Variants in IL7 observed in about 807,000 individuals in gnomAD.
IL7 encodes interleukin 7, also known as interleukin-7.
Under a neutral mutation model 21.6 loss-of-function variants are expected in IL7, and 3 were observed. The observed-to-expected ratio is 0.14, with a 90% confidence interval of 0.06 to 0.36. The LOEUF (loss-of-function observed/expected upper bound fraction) is 0.36. IL7 is among the 10% of genes least tolerant of loss of function. The probability of loss-of-function intolerance (pLI) is 1.00; values close to 1 mark genes in which losing one functional copy is unlikely to be tolerated. For synonymous variants in IL7, 62 were observed against 68.1 expected, an observed-to-expected ratio of 0.91 and a Z score of 0.44; for missense variants, 175 against 200.2, an observed-to-expected ratio of 0.87 and a Z score of 0.76.
At chr8:78,795,161 G>A (rs1813813558) in intron 2 of IL7, among the ~76,000 whole-genome samples, 1 of 152,026 alleles carries the variant, frequency 6.6e-6, no homozygotes, top group South Asian at 2.1e-4. Flanking sequence ...TTAACACATG[G>A]AAAGCACTGA....
At position 78,681,600 on chromosome 8, in the gene IL7, G is replaced by T. The variant is rs1809779909; in HGVS notation, n.273+4289C>A. 2.0e-5 allele frequency among the ~76,000 whole-genome samples: 3 copies of T among 152,252 alleles called. No homozygotes were observed. In the South Asian group the frequency reaches 6.2e-4, roughly 32 times the overall value. The stretch of plus-strand genomic sequence containing the variant: ...TTTCGTTGTTTTCTATTCCCTGAAA[G>T]AGTTTGTGTAATATTGATGCTAGAT... On this transcript the variant is annotated intron_variant and non_coding_transcript_variant, in intron 4 of 4. Transcript: ENST00000523959.
At chr8:78,747,165 C>T in intron 2 of IL7, 1 of 438,196 alleles carries the variant, frequency 2.3e-6, no homozygotes, top group South Asian at 1.6e-5. Context: ...TAAAGTTGGT[C>T]CCTATAGAAA....
At chr8:78,739,884 T>C (rs1316428726) in intron 3 of IL7, 118 bp downstream of exon 3, 22 of 879,076 alleles carry the variant, frequency 2.5e-5, no homozygotes, top group Non-Finnish European at 3.4e-5. Context: ...TCAATGGGAA[T>C]TATGTGATCA....
At chr8:78,767,215 A>G (rs1450361134) in intron 2 of IL7, among the ~76,000 whole-genome samples, 1 of 151,436 alleles carries the variant, frequency 6.6e-6, no homozygotes, top group Non-Finnish European at 1.5e-5. Context: ...ATACAGTGTG[A>G]GTGAGTGTGT....
intron 2 of IL7, among the ~76,000 whole-genome samples, chr8:78,770,507 G>A (rs1183160160): frequency 1.3e-5 from 2 of 152,014 alleles, no homozygotes; most frequent in East Asian, 3.9e-4. Flanking sequence ...ACAAGTTTAA[G>A]ATTTTAATAC....
At chr8:78,678,415 G>T (rs957714870) in intron 4 of IL7, 1 of 630,384 alleles carries the variant, frequency 1.6e-6, no homozygotes, top group Non-Finnish European at 2.8e-6. Context: ...TTTGGTTAAG[G>T]CAAGGTGTAT....
intron 2 of IL7, chr8:78,762,445 C>T: frequency 6.4e-7 from 1 of 1,574,460 alleles, no homozygotes; most frequent in Non-Finnish European, 8.6e-7. Flanking sequence ...CGCCCGCCCG[C>T]CGGCCGGTCC....
chr8:78,708,878 C>T (rs1810868459), intron 3 of IL7, among the ~76,000 whole-genome samples: 1 of 152,034 alleles, frequency 6.6e-6, no homozygotes, highest in Non-Finnish European at 1.5e-5. Flanking sequence ...CCATGTTAGG[C>T]TGGTCTCAAA....
At chr8:78,799,242 T>G (rs1813969563) in intron 1 of IL7, among the ~76,000 whole-genome samples, 1 of 152,144 alleles carries the variant, frequency 6.6e-6, no homozygotes, top group South Asian at 2.1e-4. Flanking sequence ...CAAGCAACAC[T>G]CCTTCAAACC....
At chr8:78,734,279 C>T (rs1371973768) in intron 5 of IL7, among the ~76,000 whole-genome samples, 5 of 152,170 alleles carry the variant, frequency 3.3e-5, no homozygotes, top group African/African-American at 1.2e-4. Context: ...TCTCCTCCAA[C>T]AACTAACCTT....
intron 2 of IL7, among the ~76,000 whole-genome samples, chr8:78,784,656 AC>A (rs1309510889): frequency 1.3e-5 from 2 of 152,146 alleles, no homozygotes; most frequent in Non-Finnish European, 2.9e-5. Flanking sequence ...TGGTGGGGAT[AC>A]AAGGATTATC....
chr8:78,722,961 CAT>C (rs1480593850), intron 3 of IL7, among the ~76,000 whole-genome samples: 1 of 151,370 alleles, frequency 6.6e-6, no homozygotes, highest in Non-Finnish European at 1.5e-5. Context: ...AGCAATCAAA[CAT>C]ATAAAAATGT....
rs141851661 is a variant in IL7, at chr8:78,787,698, C to A, written c.147+10374G>T. Among the ~76,000 whole-genome samples the A allele has an allele frequency of 3.3e-5, 5 of 152,266 alleles. No individual in the cohort carries two copies. The East Asian group carries it at 9.7e-4, about 29-fold the overall frequency. ...CATAGAGACTACCATATTTAGGGGT[C>A]ATTTCCCCAATTCACTTGCTTTTCC... On this transcript the variant is annotated intron_variant, in intron 2 of 5. Coordinates refer to ENST00000263851, the MANE Select transcript of IL7 (RefSeq NM_000880.4).
intron 3 of IL7, among the ~76,000 whole-genome samples, chr8:78,703,533 C>T (rs942847654): frequency 2.6e-5 from 2 of 77,942 alleles, no homozygotes; most frequent in Non-Finnish European, 5.4e-5. Context: ...ATGTAATACC[C>T]TTCTTTTTTT....
At chr8:78,803,206 C>T (rs780225190) in intron 1 of IL7, among the ~76,000 whole-genome samples, 2 of 152,076 alleles carry the variant, frequency 1.3e-5, no homozygotes, top group African/African-American at 2.4e-5. Flanking sequence ...ACTCTGTTGC[C>T]TAGGCTGGAG....
chr8:78,746,074 C>T (rs957559467), intron 2 of IL7, among the ~76,000 whole-genome samples: 2 of 152,074 alleles, frequency 1.3e-5, no homozygotes, highest in Non-Finnish European at 2.9e-5. Context: ...CTGTAGATTC[C>T]TTTACCTTAT....
At chr8:78,768,174 C>T (rs1360511744) in intron 2 of IL7, among the ~76,000 whole-genome samples, 33 of 152,162 alleles carry the variant, frequency 2.2e-4, no homozygotes, top group African/African-American at 4.3e-4. Context: ...CTATCATTGA[C>T]GGACATTTGG....
rs1019077858 is a variant in IL7 at position 78,739,764 on chromosome 8, G to A, written c.228+238C>T. Among the ~76,000 whole-genome samples the A allele has an allele frequency of 1.5e-4, 23 of 151,632 alleles. 1 individual carries two copies. In the South Asian group the frequency reaches 2.3e-3, roughly 15 times the overall value. On this transcript the variant is annotated intron_variant, in intron 3 of 5. Transcript: ENST00000263851. ...TGTGTCTTTGAATTCGACAATTCTAGTATTTTCAAGGTAAAAAATAGAATG... is the reference window on the plus strand; with the variant it reads ...TGTGTCTTTGAATTCGACAATTCTAATATTTTCAAGGTAAAAAATAGAATG...
At chr8:78,753,289 A>G (rs1812237745) in intron 2 of IL7, among the ~76,000 whole-genome samples, 1 of 152,162 alleles carries the variant, frequency 6.6e-6, no homozygotes, top group South Asian at 2.1e-4. Context: ...CTGGTGTGAG[A>G]TGATATCTCT....
Sources: gnomAD v4.1 joint callset for allele counts (sites outside exome capture counted in the v4.1 genomes callset) on GRCh38, gnomAD v4.1.1 for gene constraint, MANE v1.5 for transcripts, NCBI Gene and HGNC (gene_info 2026-07-23, HGNC 2026-07-21) for gene names.